IGSF11: variants seen among roughly 807,000 people sequenced by gnomAD.
IGSF11 encodes CXADR like 1.
A neutral mutation model predicts 41.0 loss-of-function variants in IGSF11; 22 were observed. The ratio of observed to expected loss-of-function variants is 0.54; its 90% CI spans 0.38 to 0.77. The LOEUF is 0.77. Ranked by LOEUF, IGSF11 falls within the 30% of genes least tolerant of loss-of-function variation. The pLI is 0.00. For synonymous variants in IGSF11, 219 were observed against 201.3 expected, an observed-to-expected ratio of 1.09 and a Z score of -0.74; for missense variants, 444 against 530.8, an observed-to-expected ratio of 0.84 and a Z score of 1.61.
chr3:119,045,466 A>T (rs1032604541), intron 1 of IGSF11, among the ~76,000 whole-genome samples: 2 of 152,204 alleles, frequency 1.3e-5, no homozygotes, highest in South Asian at 2.1e-4. Flanking sequence ...CCATGAGATT[A>T]TATCCCGCAC....
In IGSF11 at chr3:118,913,772, G is replaced by A. The variant is rs77117110; in HGVS notation, c.581-8054C>T. On this transcript the variant is annotated intron_variant, in intron 4 of 6. Transcript: ENST00000393775. Reference sequence around the variant, plus strand: ...ATCTAAATAAAACCGTAATGTATACGTAAACGATGATGAAAATGGGGATGA... The same window carrying A: ...ATCTAAATAAAACCGTAATGTATACATAAACGATGATGAAAATGGGGATGA... 1.8e-3 allele frequency among the ~76,000 whole-genome samples: 270 copies of A among 152,214 alleles called. 3 individuals carry two copies. Among genetic ancestry groups the A allele is most frequent in the African/African-American group, 5.9e-3 (245 of 41,546 alleles).
chr3:119,134,725 A>G (rs959056187), intron 1 of IGSF11, among the ~76,000 whole-genome samples: 7 of 152,202 alleles, frequency 4.6e-5, no homozygotes, highest in Admixed American at 2.0e-4. Flanking sequence ...TTCATATGGA[A>G]CCAAAAAAGA....
intron 1 of IGSF11, among the ~76,000 whole-genome samples, chr3:119,001,058 C>T (rs1936775182): frequency 2.0e-5 from 3 of 152,092 alleles, no homozygotes; most frequent in African/African-American, 7.2e-5. Context: ...CATGCTTCCA[C>T]CTCAGGACCT....
intron 1 of IGSF11, among the ~76,000 whole-genome samples, chr3:119,081,209 T>C (rs78399224): frequency 0.022 from 3,294 of 152,184 alleles, 81 homozygotes; most frequent in Admixed American, 0.069. Flanking sequence ...TTTCGTCTGT[T>C]TCTCTTTTGC....
intron 1 of IGSF11, among the ~76,000 whole-genome samples, chr3:119,001,780 G>C (rs1047871198): frequency 6.7e-6 from 1 of 148,634 alleles, no homozygotes. Context: ...TTTCATCCAT[G>C]TCCCTACAAA....
chr3:119,068,638 C>T (rs1942302817), intron 1 of IGSF11, among the ~76,000 whole-genome samples: 1 of 152,204 alleles, frequency 6.6e-6, no homozygotes, highest in African/African-American at 2.4e-5. Context: ...ACACATTTCT[C>T]TGTCATTCAG....
chr3:119,125,083 A>G (rs572860026), intron 1 of IGSF11, among the ~76,000 whole-genome samples: 1 of 152,352 alleles, frequency 6.6e-6, no homozygotes, highest in Non-Finnish European at 1.5e-5. Context: ...AACATGAAGG[A>G]AAAATAAAGA....
At chr3:119,143,755 C>G (rs2077679963) in intron 1 of IGSF11, among the ~76,000 whole-genome samples, 1 of 151,954 alleles carries the variant, frequency 6.6e-6, no homozygotes, top group Admixed American at 6.6e-5. Context: ...GTTGAAAATA[C>G]AACTAGGGAA....
chr3:119,033,942 ATATTC>A (rs1422277479), intron 1 of IGSF11, among the ~76,000 whole-genome samples: 1 of 152,220 alleles, frequency 6.6e-6, no homozygotes, highest in Non-Finnish European at 1.5e-5. Flanking sequence ...TAATATTGTT[ATATTC>A]TATGTATTGT....
At chr3:118,944,355 C>T (rs1197395628) in intron 1 of IGSF11, among the ~76,000 whole-genome samples, 1 of 151,990 alleles carries the variant, frequency 6.6e-6, no homozygotes, top group Non-Finnish European at 1.5e-5. Context: ...TTCTTCCAGC[C>T]AGTCTTACAG....
intron 1 of IGSF11, among the ~76,000 whole-genome samples, chr3:119,122,758 C>T (rs1210887468): frequency 2.6e-5 from 4 of 152,144 alleles, no homozygotes; most frequent in African/African-American, 7.2e-5. Context: ...CTAGACATAC[C>T]CTAGGCCAGA....
chr3:119,049,792 A>G (rs1237229915), intron 1 of IGSF11, among the ~76,000 whole-genome samples: 1 of 150,788 alleles, frequency 6.6e-6, no homozygotes, highest in Non-Finnish European at 1.5e-5. Context: ...TACTGGTACC[A>G]AAACAGAGAT....
chr3:119,019,672 T>C (rs1029876367), intron 1 of IGSF11, among the ~76,000 whole-genome samples: 2 of 152,130 alleles, frequency 1.3e-5, no homozygotes, highest in Non-Finnish European at 2.9e-5. Context: ...CTGCCTCTGC[T>C]GGAGAATATC....
intron 1 of IGSF11, among the ~76,000 whole-genome samples, chr3:118,987,471 C>G (rs961336825): frequency 1.3e-5 from 2 of 152,196 alleles, no homozygotes; most frequent in African/African-American, 2.4e-5. Flanking sequence ...CCTGACACTT[C>G]TAGAAGTCCT....
At chr3:119,013,391 T>G (rs1938351407) in intron 1 of IGSF11, among the ~76,000 whole-genome samples, 4 of 152,264 alleles carry the variant, frequency 2.6e-5, no homozygotes, top group Admixed American at 2.6e-4. Context: ...AATCTGCATA[T>G]ACAAACCTCC....
At chr3:119,106,736 C>G (rs150733018), upstream of IGSF11, among the ~76,000 whole-genome samples, 1,920 of 152,102 alleles carry the variant, frequency 0.013, 32 homozygotes, top group African/African-American at 0.044. Context: ...ATCCCTCCCC[C>G]CTCCTCCCAC....
intron 1 of IGSF11, among the ~76,000 whole-genome samples, chr3:119,087,610 T>C (rs1455728909): frequency 6.6e-5 from 10 of 151,770 alleles, no homozygotes; most frequent in Non-Finnish European, 1.5e-4. Flanking sequence ...CCCTGGACTT[T>C]GGGGACTTGG....
intron 1 of IGSF11, among the ~76,000 whole-genome samples, chr3:119,003,781 A>G (rs1306789298): frequency 2.0e-5 from 3 of 151,560 alleles, no homozygotes; most frequent in Non-Finnish European, 4.4e-5. Context: ...ATTTGCGTAT[A>G]TTGAACCAGC....
chr3:118,918,057 A>C (rs1255369448), intron 4 of IGSF11, among the ~76,000 whole-genome samples: 1 of 133,236 alleles, frequency 7.5e-6, no homozygotes, highest in Non-Finnish European at 1.5e-5. Context: ...AAATTCAACA[A>C]CCCTTCATGC....
Sources: gnomAD v4.1 joint callset for allele counts (sites outside exome capture counted in the v4.1 genomes callset) on GRCh38, gnomAD v4.1.1 for gene constraint, MANE v1.5 for transcripts, NCBI Gene and HGNC (gene_info 2026-07-23, HGNC 2026-07-21) for gene names.